CNTN4: variants seen among roughly 807,000 people sequenced by gnomAD.
The protein encoded by CNTN4 is contactin-4.
CNTN4 carries 77 observed loss-of-function variants against 122.5 expected under a neutral mutation model. The observed-to-expected ratio is 0.63, with a 90% CI of 0.52 to 0.76. The LOEUF is 0.76. CNTN4 is among the 30% of genes least tolerant of loss of function. CNTN4 has a pLI of 0.00. For missense variants in CNTN4, 1,256 were observed against 1,259.1 expected, an observed-to-expected ratio of 1.00 and a Z score of 0.04; for synonymous variants, 512 against 447.0, an observed-to-expected ratio of 1.15 and a Z score of -1.83.
rs147041213 is a variant in CNTN4, at chr3:2,523,627, G to C, written c.-88-47789G>C. On this transcript the variant is annotated intron_variant, in intron 3 of 24. Transcript: ENST00000418658. ...TTGAACTTGAAAAAGGTTACCCTCT[G>C]TAAGAAAGTCCAGAGTCAGTATGAA... is the stretch of plus-strand genomic sequence containing the variant. 4.3e-3 allele frequency among the ~76,000 whole-genome samples: 648 copies of C among 152,100 alleles called. 2 individuals are homozygous for C. Among genetic ancestry groups the C allele is most frequent in the African/African-American group, 0.015 (611 of 41,516 alleles).
At chr3:2,480,474 A>G (rs2075960246) in intron 3 of CNTN4, among the ~76,000 whole-genome samples, 1 of 152,234 alleles carries the variant, frequency 6.6e-6, no homozygotes, top group East Asian at 1.9e-4. Flanking sequence ...GTATATCAAC[A>G]ATGACCAACT....
In CNTN4 at chr3:2,719,673, T is replaced by C. The variant is rs1446913124; in HGVS notation, c.56-16542T>C. On this transcript the variant is annotated intron_variant, in intron 4 of 24. Coordinates refer to ENST00000418658, the MANE Select transcript of CNTN4 (RefSeq NM_175607.3). ...CCCTGACCTCAGGCGATCCGCCTGC[T>C]TGGGCCTCCCAAAGTGCTAGGATTA... 4.6e-5 allele frequency among the ~76,000 whole-genome samples: 7 copies of C among 152,048 alleles called. No individual in the cohort carries two copies. In the East Asian group the frequency reaches 9.7e-4, roughly 21 times the overall value.
chr3:2,971,998 T>A (rs756939623), intron 13 of CNTN4, among the ~76,000 whole-genome samples: 1 of 152,174 alleles, frequency 6.6e-6, no homozygotes, highest in Non-Finnish European at 1.5e-5. Context: ...GAAATAAACC[T>A]GAATGCTTAT....
At chr3:2,540,684 G>A (rs1262817236) in intron 3 of CNTN4, among the ~76,000 whole-genome samples, 2 of 151,926 alleles carry the variant, frequency 1.3e-5, no homozygotes, top group East Asian at 3.9e-4. Context: ...TAATCTTTAA[G>A]TAATTGTGAG....
At chr3:2,981,664 G>T (rs1345938917) in intron 13 of CNTN4, among the ~76,000 whole-genome samples, 3 of 152,238 alleles carry the variant, frequency 2.0e-5, no homozygotes, top group East Asian at 1.9e-4. Context: ...ATATTGAGTT[G>T]CATTTCAAAT....
intron 4 of CNTN4, among the ~76,000 whole-genome samples, chr3:2,670,944 G>A (rs542272453): frequency 1.4e-4 from 21 of 152,282 alleles, no homozygotes; most frequent in African/African-American, 4.3e-4. Flanking sequence ...CTGGCTTGTA[G>A]TTTCTGCGGA....
At chr3:2,276,521 A>G (rs1051125104) in intron 2 of CNTN4, among the ~76,000 whole-genome samples, 1 of 152,206 alleles carries the variant, frequency 6.6e-6, no homozygotes, top group Non-Finnish European at 1.5e-5. Flanking sequence ...TGCTGGGTCA[A>G]TTAAGTGGTA....
intron 6 of CNTN4, among the ~76,000 whole-genome samples, chr3:2,783,885 T>C (rs1408884341): frequency 6.6e-6 from 1 of 152,226 alleles, no homozygotes; most frequent in Non-Finnish European, 1.5e-5. Flanking sequence ...AGTTGAACCC[T>C]ATAATTTTCT....
rs187870992 is a variant in CNTN4 at position 2,566,618 on chromosome 3, G to T, written c.-88-4798G>T. Among the ~76,000 whole-genome samples, 89 of 151,824 alleles carry T rather than the reference G, an allele frequency of 5.9e-4. 1 individual carries two copies. Among genetic ancestry groups the T allele is most frequent in the African/African-American group, 2.1e-3 (88 of 41,522 alleles). On this transcript the variant is annotated intron_variant, in intron 3 of 24. Transcript: ENST00000418658. ...TCTATTTGGTGGGGGCCAGGAGGCA[G>T]AATTTGAATCCAAGTTTAAATAAAC...
At chr3:3,003,711 AAAAC>A (rs1178392102) in intron 14 of CNTN4, among the ~76,000 whole-genome samples, 59 of 145,188 alleles carry the variant, frequency 4.1e-4, no homozygotes, top group Middle Eastern at 3.5e-3. Context: ...AAAAAAAAAA[AAAAC>A]AAAAAAACCC....
At chr3:3,037,472 C>G in intron 18 of CNTN4, 144 bp downstream of exon 18, 2 of 1,205,856 alleles carry the variant, frequency 1.7e-6, no homozygotes, top group Non-Finnish European at 2.4e-6. Context: ...TGATAGAAAT[C>G]AGGCCAGGAG....
intron 2 of CNTN4, among the ~76,000 whole-genome samples, chr3:2,329,330 G>T (rs2043620195): frequency 6.6e-6 from 1 of 152,100 alleles, no homozygotes; most frequent in Non-Finnish European, 1.5e-5. Flanking sequence ...AATGTTTTCT[G>T]CCAAGAAGTG....
intron 4 of CNTN4, among the ~76,000 whole-genome samples, chr3:2,584,893 G>C (rs2080114225): frequency 6.6e-6 from 1 of 151,614 alleles, no homozygotes; most frequent in East Asian, 1.9e-4. Flanking sequence ...TAGATACGAA[G>C]TAGGAAGGTA....
intron 2 of CNTN4, among the ~76,000 whole-genome samples, chr3:2,172,497 C>G (rs1377560370): frequency 3.3e-5 from 5 of 151,996 alleles, no homozygotes; most frequent in African/African-American, 4.8e-5. Flanking sequence ...GAAATCACCA[C>G]TGAAGGACTT....
chr3:2,575,917 G>T (rs2079649779), intron 4 of CNTN4, among the ~76,000 whole-genome samples: 1 of 146,524 alleles, frequency 6.8e-6, no homozygotes, highest in African/African-American at 2.5e-5. Flanking sequence ...CACCTATCGG[G>T]TCCACACCAT....
At chr3:2,329,791 A>G (rs1214248360) in intron 2 of CNTN4, among the ~76,000 whole-genome samples, 3 of 152,212 alleles carry the variant, frequency 2.0e-5, no homozygotes, top group Non-Finnish European at 4.4e-5. Flanking sequence ...AAAAGCACTT[A>G]ATAAGCATTA....
At chr3:2,929,295 G>A (rs1414794265) in intron 13 of CNTN4, among the ~76,000 whole-genome samples, 2 of 152,166 alleles carry the variant, frequency 1.3e-5, no homozygotes, top group African/African-American at 2.4e-5. Flanking sequence ...AACTGAATAA[G>A]GTTGATTATT....
intron 2 of CNTN4, among the ~76,000 whole-genome samples, chr3:2,147,005 C>T (rs1292274981): frequency 2.6e-5 from 4 of 151,944 alleles, no homozygotes; most frequent in South Asian, 2.1e-4. Context: ...CTCAGCCTCC[C>T]GAGTAGCTGG....
At chr3:2,620,739 C>G (rs1199607912) in intron 4 of CNTN4, among the ~76,000 whole-genome samples, 1 of 152,066 alleles carries the variant, frequency 6.6e-6, no homozygotes, top group Non-Finnish European at 1.5e-5. Flanking sequence ...ATCTGAAAAC[C>G]TCATTTACAC....
Sources: allele counts gnomAD v4.1 joint callset (sites outside exome capture counted in the v4.1 genomes callset), GRCh38; gene constraint gnomAD v4.1.1; transcripts MANE v1.5; gene names NCBI Gene and HGNC (gene_info 2026-07-23, HGNC 2026-07-21).